U2SURP: variants seen among roughly 807,000 people sequenced by gnomAD.
U2SURP encodes the protein U2 snRNP associated SURP domain containing, also known as U2 snRNP-associated SURP motif-containing protein.
A neutral mutation model predicts 144.9 loss-of-function variants in U2SURP; 9 were observed. The observed-to-expected ratio is 0.06, with a 90% CI of 0.04 to 0.11. The LOEUF (loss-of-function observed/expected upper bound fraction) is 0.11, where lower values mean the gene tolerates loss of function less well. Among genes scored for constraint, U2SURP ranks in the 10% least tolerant of loss-of-function variants. The probability of loss-of-function intolerance (pLI) is 1.00; values close to 1 mark genes in which losing one functional copy is unlikely to be tolerated. For missense variants in U2SURP, 724 were observed against 1,226.7 expected (o/e 0.59, Z 6.12); for synonymous variants, 408 against 396.8 (o/e 1.03, Z -0.33).
rs539615078 is a variant in U2SURP at position 143,018,322 on chromosome 3, A to G, written c.570+1347A>G. Among the ~76,000 whole-genome samples, 327 of 152,032 alleles carry G rather than the reference A, an allele frequency of 2.2e-3. 3 individuals carry two copies. Among genetic ancestry groups the G allele is most frequent in the African/African-American group, 7.5e-3 (311 of 41,456 alleles). On this transcript the variant is annotated intron_variant, in intron 6 of 27. Transcript: ENST00000473835. Reference sequence around the variant, plus strand: ...AACGTGGTCTTTTGTATCTGGCTTCATTACTTAGCATAATGCTTCAAGGTG... The same window carrying G: ...AACGTGGTCTTTTGTATCTGGCTTCGTTACTTAGCATAATGCTTCAAGGTG...
rs377442417 is a variant in U2SURP at position 143,059,532 on chromosome 3, T to A, written c.*3082T>A. 2.6e-5 allele frequency: 4 copies of A among 152,066 alleles called. No homozygotes were observed. The highest frequency in any genetic ancestry group is 9.6e-5 in the African/African-American group (4 of 41,566). 9.4% of individuals were successfully genotyped at this position (152,066 alleles called of 1,614,324 possible). ...TGGTGGCGTAAGTTCTGAAAAATTA[T>A]ATGACCGTGACAATAGTTTATCATC... On this transcript the variant is annotated 3_prime_UTR_variant, in exon 28 of 28. Coordinates refer to ENST00000473835, the MANE Select transcript of U2SURP (RefSeq NM_001080415.2).
rs367588312 is a variant in U2SURP, at chr3:143,038,856, A to G, written c.2318-38A>G. On this transcript the variant is annotated intron_variant, in intron 22 of 27. Coordinates refer to ENST00000473835, the MANE Select transcript of U2SURP (RefSeq NM_001080415.2). ...TGTACTACTGAAAAAATGCTAGTTT[A>G]CCTCGTGGAATTACATCCTCCTTTT... 7.5e-6 allele frequency: 11 copies of G among 1,469,584 alleles called. No individual in the cohort carries two copies. The African/African-American group carries it at 1.4e-4, about 19-fold the overall frequency. 91.0% of individuals were successfully genotyped at this position (1,469,584 alleles called of 1,614,324 possible). A position where few individuals can be genotyped will look rare whatever the true frequency, so the allele number is the denominator to read the frequency against.
intron 26 of U2SURP, 115 bp downstream of exon 26, chr3:143,053,909 T>G: frequency 1.1e-6 from 1 of 897,224 alleles, no homozygotes; most frequent in South Asian, 2.3e-5. Context: ...ATGATAAACT[T>G]GTTTGGGTCC....
intron 1 of U2SURP, among the ~76,000 whole-genome samples, chr3:143,004,353 GTTTTTTT>G (rs869186497): frequency 2.4e-5 from 2 of 83,428 alleles, no homozygotes; most frequent in Non-Finnish European, 2.4e-5. Context: ...TAGTTGGGGT[GTTTTTTT>G]TTTTTTTTTT....
At position 143,032,843 on chromosome 3, in the gene U2SURP, G is replaced by C. The variant is rs1447031878; in HGVS notation, c.1670G>C (p.Gly557Ala). ...RGLTPRKNDI[G>A]DAMVFCLNNA... ...TTAACTCCAAGGAAAAATGATATTG[G>C]AGATGCAATGGTTTTCTGTCTTAAT... is the stretch of plus-strand genomic sequence containing the variant. The change falls in exon 17 of 28, where the codon GGA becomes GCA. Residue 557 changes from glycine (G) to alanine (A), a missense_variant. Gly to Ala is a moderately conservative substitution (Grantham distance 60, BLOSUM62 0). This residue lies in a region of U2SURP where 66 missense variants were observed against 95.0 expected (regional missense o/e 0.69). Transcript: ENST00000473835. The C allele has an allele frequency of 3.7e-6, 6 of 1,613,644 alleles. No homozygotes were observed. The highest frequency in any genetic ancestry group is 4.2e-6 in the Non-Finnish European group (5 of 1,179,686).
chr3:143,033,425 T>G, intron 18 of U2SURP, 75 bp downstream of exon 18: 4 of 789,962 alleles, frequency 5.1e-6, no homozygotes, highest in Non-Finnish European at 8.1e-6. Flanking sequence ...GAGGATTGTT[T>G]TGTTAACATC....
intron 1 of U2SURP, among the ~76,000 whole-genome samples, chr3:143,004,459 G>C (rs1211520817): frequency 7.2e-6 from 1 of 138,800 alleles, no homozygotes; most frequent in African/African-American, 2.7e-5. Flanking sequence ...TGCCTCCTGG[G>C]TTCAAGCAAT....
intron 1 of U2SURP, among the ~76,000 whole-genome samples, chr3:143,009,166 T>TA (rs1935991307): frequency 6.6e-6 from 1 of 152,212 alleles, no homozygotes; most frequent in Non-Finnish European, 1.5e-5. Flanking sequence ...CATTTCAAGA[T>TA]ATGTTTCAGG....
intron 23 of U2SURP, among the ~76,000 whole-genome samples, chr3:143,041,541 T>C (rs1203693445): frequency 6.6e-6 from 1 of 151,976 alleles, no homozygotes; most frequent in Non-Finnish European, 1.5e-5. Flanking sequence ...GTTGAGAAAT[T>C]TAAAAGCTAG....
At chr3:143,005,918 A>G (rs1315710679) in intron 1 of U2SURP, among the ~76,000 whole-genome samples, 1 of 152,170 alleles carries the variant, frequency 6.6e-6, no homozygotes. Flanking sequence ...AAATAGTAAT[A>G]TTACAAACTA....
intron 14 of U2SURP, 133 bp from the exon 15 acceptor site, chr3:143,028,207 T>A: frequency 9.3e-7 from 1 of 1,072,778 alleles, no homozygotes; most frequent in Non-Finnish European, 1.3e-6. Context: ...TGGGTGAGAT[T>A]CTCTTCAGGG....
chr3:143,037,391 T>A (rs1013573539), intron 21 of U2SURP, 56 bp downstream of exon 21: 63 of 1,514,152 alleles, frequency 4.2e-5, no homozygotes, highest in Non-Finnish European at 5.6e-5. Context: ...TGACCAAAAC[T>A]CTAATTTCCA....
At chr3:143,032,974 G>A (rs181687222) in intron 17 of U2SURP, 28 bp downstream of exon 17, 232 of 1,599,064 alleles carry the variant, frequency 1.5e-4, no homozygotes, top group Non-Finnish European at 1.7e-4. Flanking sequence ...AAGAAAAGGG[G>A]AGATAGTTGA....
intron 18 of U2SURP, 84 bp from the exon 19 acceptor site, chr3:143,034,804 G>A (rs1933720804): frequency 2.5e-6 from 2 of 809,674 alleles, no homozygotes; most frequent in Admixed American, 2.4e-5. Flanking sequence ...TTTAAGTTCA[G>A]GAGGGGTTTT....
At chr3:143,035,315 A>G (rs1242928567) in intron 19 of U2SURP, among the ~76,000 whole-genome samples, 1 of 152,196 alleles carries the variant, frequency 6.6e-6, no homozygotes, top group Non-Finnish European at 1.5e-5. Context: ...TAGAAAGTCT[A>G]TTCTGTTACC....
In U2SURP at chr3:143,056,455, A is replaced by G. The variant is rs1560211335; in HGVS notation, c.*5A>G. The G allele has an allele frequency of 6.2e-7, 1 of 1,611,126 alleles. No homozygotes were observed. The highest frequency in any genetic ancestry group is 8.5e-7 in the Non-Finnish European group (1 of 1,178,630). On this transcript the variant is annotated 3_prime_UTR_variant, in exon 28 of 28. Transcript: ENST00000473835. The stretch of plus-strand genomic sequence containing the variant: ...TCAAAGAAAAACAAACACTGACGTA[A>G]ATTTTTAAGATGCTGTCACTTATTG...
intron 6 of U2SURP, 186 bp downstream of exon 6, chr3:143,017,161 T>C: frequency 2.2e-6 from 1 of 446,264 alleles, no homozygotes; most frequent in South Asian, 8.4e-5. Flanking sequence ...GACACGTAGA[T>C]GATATTCTTT....
intron 12 of U2SURP, chr3:143,023,356 T>A (rs1373268866): frequency 3.9e-6 from 1 of 255,506 alleles, no homozygotes; most frequent in African/African-American, 2.2e-5. Flanking sequence ...ATTTACTTTG[T>A]TCTGAGAAAG....
chr3:143,001,705 G>T (rs766223687), intron 1 of U2SURP, 32 bp downstream of exon 1: 6 of 1,612,954 alleles, frequency 3.7e-6, no homozygotes, highest in South Asian at 2.2e-5. Context: ...TAAGTCAGCG[G>T]ATCTACCACT....
Sources: gnomAD v4.1 joint callset for allele counts (sites outside exome capture counted in the v4.1 genomes callset) on GRCh38, gnomAD v4.1.1 for gene constraint, gnomAD v4.1.1 regional missense constraint, MANE v1.5 for transcripts, NCBI Gene and HGNC (gene_info 2026-07-23, HGNC 2026-07-21) for gene names.